HEATR4: variants seen among roughly 807,000 people sequenced by gnomAD.
HEATR4 encodes HEAT repeat containing 4.
Under a neutral mutation model 108.8 loss-of-function variants are expected in HEATR4, and 95 were observed. The observed-to-expected ratio is 0.87, with a 90% CI of 0.74 to 1.04. The LOEUF (loss-of-function observed/expected upper bound fraction) is 1.04. Ranked by LOEUF, HEATR4 falls within the 50% of genes least tolerant of loss-of-function variation. The pLI, the probability that HEATR4 is intolerant of heterozygous loss-of-function variation, is 0.00. For synonymous variants in HEATR4, 443 were observed against 459.4 expected, an observed-to-expected ratio of 0.96 and a Z score of 0.46; for missense variants, 1,152 against 1,253.8, an observed-to-expected ratio of 0.92 and a Z score of 1.23.
intron 10 of HEATR4, among the ~76,000 whole-genome samples, 164 bp from the exon 11 acceptor site, chr14:73,503,177 G>A (rs1886588266): frequency 6.6e-6 from 1 of 152,124 alleles, no homozygotes; most frequent in Non-Finnish European, 1.5e-5. Flanking sequence ...CAGTGGGGCA[G>A]ATATTACTAC....
At chr14:73,586,411 T>A in the HEATR4 span, among the ~76,000 whole-genome samples, 494 of 139,854 alleles carry the variant, frequency 3.5e-3, 5 homozygotes, top group African/African-American at 0.012. Flanking sequence ...AAAAAAAAAA[T>A]TTTTTTTTAG....
the HEATR4 span, among the ~76,000 whole-genome samples, chr14:73,577,407 A>G: frequency 2.4e-4 from 33 of 136,534 alleles, 1 homozygote; most frequent in Admixed American, 5.4e-4. Flanking sequence ...CTGGGCATGG[A>G]GCCCCATTTA....
At chr14:73,489,041 A>G (rs934031793) in intron 17 of HEATR4, among the ~76,000 whole-genome samples, 20 of 152,236 alleles carry the variant, frequency 1.3e-4, no homozygotes, top group African/African-American at 4.6e-4. Context: ...ATAAAATAAA[A>G]ATAAAAAATA....
the HEATR4 span, among the ~76,000 whole-genome samples, chr14:73,593,336 C>CTTTTTTTTTTTT: frequency 4.8e-5 from 5 of 104,866 alleles, no homozygotes; most frequent in Non-Finnish European, 9.0e-5. Flanking sequence ...TTCTTTCTTT[C>CTTTTTTTTTTTT]TTTTTTTTTT....
the HEATR4 span, among the ~76,000 whole-genome samples, chr14:73,604,551 T>C: frequency 6.6e-6 from 1 of 151,916 alleles, no homozygotes; most frequent in Non-Finnish European, 1.5e-5. Context: ...AATGGTGTGA[T>C]CTCAGCTCAC....
chr14:73,563,290 T>C (rs1049182830), upstream of HEATR4, among the ~76,000 whole-genome samples: 3 of 152,056 alleles, frequency 2.0e-5, no homozygotes, highest in African/African-American at 4.8e-5. Flanking sequence ...AGACTTTCAT[T>C]GTACAATGAT....
intron 1 of HEATR4, among the ~76,000 whole-genome samples, chr14:73,533,881 TAAAA>T (rs59844752): frequency 7.9e-5 from 3 of 37,970 alleles, no homozygotes; most frequent in Admixed American, 3.8e-4. Context: ...ACCCTGTCTC[TAAAA>T]AAAAAAAAAA....
At chr14:73,590,579 G>T in the HEATR4 span, among the ~76,000 whole-genome samples, 7 of 152,228 alleles carry the variant, frequency 4.6e-5, no homozygotes, top group Admixed American at 3.3e-4. Flanking sequence ...CACGGCGGGG[G>T]CGGGGGCTCA....
the HEATR4 span, among the ~76,000 whole-genome samples, chr14:73,602,515 A>C: frequency 6.6e-6 from 1 of 152,124 alleles, no homozygotes; most frequent in African/African-American, 2.4e-5. Flanking sequence ...TTTTTTGCCT[A>C]ATAAATACAG....
intron 2 of HEATR4, chr14:73,527,512 G>A (rs545030114): frequency 3.3e-5 from 5 of 150,782 alleles, no homozygotes; most frequent in African/African-American, 1.2e-4. Context: ...CCATTCTTTT[G>A]TTTCTTTACT....
chr14:73,598,389 CAA>C, the HEATR4 span, among the ~76,000 whole-genome samples: 418 of 103,308 alleles, frequency 4.0e-3, 2 homozygotes, highest in African/African-American at 0.012. Flanking sequence ...GACTCCGTCT[CAA>C]AAAAAAAAAA....
At chr14:73,479,779 G>T (rs1780038605) in intron 17 of HEATR4, among the ~76,000 whole-genome samples, 1 of 151,974 alleles carries the variant, frequency 6.6e-6, no homozygotes, top group East Asian at 1.9e-4. Flanking sequence ...GTTTCACCAT[G>T]TTGGCCAGGC....
intron 6 of HEATR4, among the ~76,000 whole-genome samples, chr14:73,513,476 G>T (rs1470696133): frequency 1.4e-5 from 2 of 147,668 alleles, no homozygotes; most frequent in East Asian, 2.0e-4. Flanking sequence ...AAGAAAAAAG[G>T]GCTGGCGCGG....
intron 1 of HEATR4, among the ~76,000 whole-genome samples, chr14:73,550,519 G>C (rs1346465256): frequency 3.5e-5 from 4 of 113,516 alleles, no homozygotes; most frequent in Non-Finnish European, 5.7e-5. Flanking sequence ...GCACACAGAA[G>C]ACCACCCGGA....
chr14:73,514,313 A>T, intron 5 of HEATR4, 79 bp from the exon 6 acceptor site: 1 of 1,304,488 alleles, frequency 7.7e-7, no homozygotes, highest in Non-Finnish European at 1.1e-6. Flanking sequence ...CTTGCATCCC[A>T]TTCCTATTCC....
the HEATR4 span, among the ~76,000 whole-genome samples, chr14:73,584,076 A>G: frequency 6.6e-6 from 1 of 151,882 alleles, no homozygotes; most frequent in East Asian, 1.9e-4. Flanking sequence ...AAAGCCTCAG[A>G]TGGGCATGTA....
At chr14:73,500,061 T>C (rs61987095) in intron 12 of HEATR4, among the ~76,000 whole-genome samples, 27,316 of 151,856 alleles carry the variant, frequency 0.18, 2,775 homozygotes, top group Non-Finnish European at 0.22. Flanking sequence ...AACCCCATCT[T>C]TACTAAAAAC....
upstream of HEATR4, among the ~76,000 whole-genome samples, chr14:73,559,176 T>C (rs546314587): frequency 9.1e-4 from 139 of 152,058 alleles, 1 homozygote; most frequent in African/African-American, 2.9e-3. Flanking sequence ...CTCAGTTGCC[T>C]AGGCTGGAGT....
the HEATR4 span, among the ~76,000 whole-genome samples, chr14:73,564,336 GTGGTGGCTCT>G: frequency 6.6e-6 from 1 of 151,122 alleles, no homozygotes; most frequent in Non-Finnish European, 1.5e-5. Flanking sequence ...ATGGCCCAGT[GTGGTGGCTCT>G]TGCCTATAAT....
Sources: allele counts gnomAD v4.1 joint callset (sites outside exome capture counted in the v4.1 genomes callset), GRCh38; gene constraint gnomAD v4.1.1; transcripts MANE v1.5; gene names NCBI Gene and HGNC (gene_info 2026-07-23, HGNC 2026-07-21).